The following TJP2 variants were observed in gnomAD, a reference collection of about 807,000 sequenced individuals.
TJP2 encodes the protein tight junction protein 2.
A neutral mutation model predicts 133.1 loss-of-function variants in TJP2; 91 were observed. The observed-to-expected ratio is 0.68, with a 90% CI of 0.58 to 0.81. The LOEUF (loss-of-function observed/expected upper bound fraction) is 0.81. Ranked by LOEUF, TJP2 falls within the 40% of genes least tolerant of loss-of-function variation. TJP2 has a pLI of 0.00. For missense variants in TJP2, 1,541 were observed against 1,565.6 expected (o/e 0.98, Z 0.26); for synonymous variants, 592 against 583.4 (o/e 1.01, Z -0.21).
At chr9:69,251,006 G>T (rs750199872) in intron 20 of TJP2, 29 bp from the exon 21 acceptor site, 75 of 1,598,302 alleles carry the variant, frequency 4.7e-5, no homozygotes, top group Non-Finnish European at 5.9e-5. Flanking sequence ...TAAAAGCCCA[G>T]GGTGAAAACG....
At chr9:69,220,814 G>C (rs1563924009) in intron 4 of TJP2, 73 bp from the exon 5 acceptor site, 3 of 1,456,884 alleles carry the variant, frequency 2.1e-6, no homozygotes, top group South Asian at 1.2e-5. Flanking sequence ...CAGAACCAGG[G>C]CTCTTAACCA....
intron 12 of TJP2, among the ~76,000 whole-genome samples, chr9:69,235,294 T>TA (rs1287865316): frequency 2.3e-5 from 2 of 86,692 alleles, no homozygotes; most frequent in East Asian, 2.1e-4. Flanking sequence ...TCCTCCTAAT[T>TA]TTTTATTTAT....
chr9:69,243,990 C>CCT (rs1830744908), intron 17 of TJP2, among the ~76,000 whole-genome samples: 1 of 151,924 alleles, frequency 6.6e-6, no homozygotes, highest in South Asian at 2.1e-4. Flanking sequence ...TTGAGACCAG[C>CCT]CTGGGCAACA....
chr9:69,235,611 C>A (rs907376741), intron 12 of TJP2, among the ~76,000 whole-genome samples: 18 of 152,102 alleles, frequency 1.2e-4, no homozygotes, highest in African/African-American at 3.9e-4. Context: ...CATGAGCCAC[C>A]ACGCCCAGCC....
chr9:69,205,685 C>G (rs1827345435), intron 1 of TJP2, among the ~76,000 whole-genome samples: 1 of 152,178 alleles, frequency 6.6e-6, no homozygotes, highest in South Asian at 2.1e-4. Context: ...CTTTTTTCCT[C>G]TTACAGTTTG....
rs528653383 is a variant in TJP2 at position 69,232,485 on chromosome 9, C to A, written c.1672-1954C>A. Among the ~76,000 whole-genome samples, 3 of 152,248 alleles carry A rather than the reference C, an allele frequency of 2.0e-5. No homozygotes were observed. The East Asian group carries it at 5.8e-4, about 29-fold the overall frequency. On this transcript the variant is annotated intron_variant, in intron 11 of 22. Transcript: ENST00000377245. ...TCAAGTAGAAAAGTGCTGCCCTAGC[C>A]TTTTTTCACTTTAATTTGTTTCAAT...
chr9:69,164,048 A>T (rs1029214599), intron 2 of TJP2, among the ~76,000 whole-genome samples: 2 of 152,132 alleles, frequency 1.3e-5, no homozygotes, highest in African/African-American at 4.8e-5. Context: ...AATTTAGGAC[A>T]CTGTCTTATA....
chr9:69,185,228 A>G (rs1004827145), intron 1 of TJP2, among the ~76,000 whole-genome samples: 1 of 151,936 alleles, frequency 6.6e-6, no homozygotes, highest in Non-Finnish European at 1.5e-5. Context: ...CACCCGGCTA[A>G]TTTTTGTATT....
intron 1 of TJP2, among the ~76,000 whole-genome samples, chr9:69,197,682 T>C (rs1336621878): frequency 6.6e-6 from 1 of 152,234 alleles, no homozygotes; most frequent in African/African-American, 2.4e-5. Context: ...GAAGCATTAC[T>C]TTATTCAGTT....
chr9:69,229,118 T>A, intron 9 of TJP2, 66 bp from the exon 10 acceptor site: 2 of 1,477,202 alleles, frequency 1.4e-6, no homozygotes, highest in Non-Finnish European at 1.9e-6. Context: ...ATTTTGTGAT[T>A]TTTCTATTTA....
intron 5 of TJP2, among the ~76,000 whole-genome samples, chr9:69,224,184 T>A (rs1829140112): frequency 6.6e-6 from 1 of 152,198 alleles, no homozygotes; most frequent in Non-Finnish European, 1.5e-5. Flanking sequence ...CTGGTTTTAG[T>A]TGAATGCTTT....
chr9:69,165,906 A>T (rs1022228016), intron 2 of TJP2, among the ~76,000 whole-genome samples: 2 of 152,012 alleles, frequency 1.3e-5, no homozygotes, highest in African/African-American at 4.8e-5. Flanking sequence ...GCTCTGCCTC[A>T]GCCCCAGGCG....
chr9:69,235,888 G>C (rs1830150662), intron 12 of TJP2, 140 bp from the exon 13 acceptor site: 1 of 746,836 alleles, frequency 1.3e-6, no homozygotes, highest in Non-Finnish European at 2.3e-6. Context: ...GTTCCTGTTG[G>C]AGCTGTGACT....
intron 1 of TJP2, among the ~76,000 whole-genome samples, chr9:69,150,637 T>C (rs10156608): frequency 0.021 from 3,223 of 152,280 alleles, 128 homozygotes; most frequent in African/African-American, 0.071. Flanking sequence ...CCCGCTGATA[T>C]TTGTTTAACC....
intron 10 of TJP2, among the ~76,000 whole-genome samples, 197 bp from the exon 11 acceptor site, chr9:69,229,885 A>T (rs1829637903): frequency 6.6e-6 from 1 of 152,204 alleles, no homozygotes; most frequent in African/African-American, 2.4e-5. Flanking sequence ...GTAACCAGGG[A>T]CCTACTGATA....
At chr9:69,204,751 A>T (rs1827264881) in intron 1 of TJP2, 2 of 913,626 alleles carry the variant, frequency 2.2e-6, no homozygotes, top group Non-Finnish European at 2.6e-6. Context: ...GTGTGTGTGT[A>T]TCAGAGGGTC....
chr9:69,154,720 T>A (rs890338599), intron 2 of TJP2, among the ~76,000 whole-genome samples: 4 of 147,360 alleles, frequency 2.7e-5, no homozygotes, highest in Admixed American at 1.4e-4. Flanking sequence ...AGCCCAGGAG[T>A]TCAAGACCAA....
upstream of TJP2, among the ~76,000 whole-genome samples, chr9:69,173,834 G>A (rs12340435): frequency 9.5e-3 from 1,439 of 152,220 alleles, 29 homozygotes; most frequent in African/African-American, 0.032. Flanking sequence ...CGGACAGTCG[G>A]GCCAGCAGCG....
At chr9:69,210,205 C>G (rs1827762868) in intron 1 of TJP2, among the ~76,000 whole-genome samples, 1 of 148,684 alleles carries the variant, frequency 6.7e-6, no homozygotes, top group Non-Finnish European at 1.5e-5. Flanking sequence ...ATGCGAATCA[C>G]TTGAACCCAG....
Sources: allele counts gnomAD v4.1 joint callset (sites outside exome capture counted in the v4.1 genomes callset), GRCh38; gene constraint gnomAD v4.1.1; transcripts MANE v1.5; gene names NCBI Gene and HGNC (gene_info 2026-07-23, HGNC 2026-07-21).